Variants in SLC9A9 observed in about 807,000 individuals in gnomAD.
SLC9A9 encodes sodium/hydrogen exchanger 9.
A neutral mutation model predicts 77.8 loss-of-function variants in SLC9A9; 62 were observed. The observed-to-expected ratio is 0.80, with a 90% CI of 0.65 to 0.98. SLC9A9 has a LOEUF of 0.98. Ranked by LOEUF, SLC9A9 falls within the 50% of genes least tolerant of loss-of-function variation. The pLI is 0.00. For missense variants in SLC9A9, 775 were observed against 774.9 expected, an observed-to-expected ratio of 1.00 and a Z score of 0.00; for synonymous variants, 320 against 283.5, an observed-to-expected ratio of 1.13 and a Z score of -1.29.
chr3:143,605,207 T>G lies in SLC9A9; in HGVS notation c.756-26484A>C, dbSNP rs546401699. Among the ~76,000 whole-genome samples, 16 of 152,324 alleles carry G rather than the reference T, an allele frequency of 1.1e-4. No homozygotes were observed. The East Asian group carries it at 2.9e-3, about 28-fold the overall frequency. ...TCCTGATCTCAGTGTATTAAAGAAG[T>G]GCCTGAGTGCTCAAACATTCAGCAG... On this transcript the variant is annotated intron_variant, in intron 6 of 15. Coordinates refer to ENST00000316549, the MANE Select transcript of SLC9A9 (RefSeq NM_173653.4).
intron 14 of SLC9A9, among the ~76,000 whole-genome samples, chr3:143,310,918 T>C (rs2030995264): frequency 6.6e-6 from 1 of 152,140 alleles, no homozygotes; most frequent in Non-Finnish European, 1.5e-5. Context: ...TCAAACTGGA[T>C]TGTTTATTTG....
chr3:143,268,985 G>A lies in SLC9A9; in HGVS notation c.1605-5C>T, dbSNP rs1937820993. 4 of 1,602,044 alleles carry A rather than the reference G, an allele frequency of 2.5e-6. No homozygotes were observed. The highest frequency in any genetic ancestry group is 1.3e-5 in the African/African-American group (1 of 74,762). ...GTTAAAATTGGTTTCAGATACCTGGGAGGCCTGTTAAGGAATACTTGTCAA... is the reference window on the plus strand; with the variant it reads ...GTTAAAATTGGTTTCAGATACCTGGAAGGCCTGTTAAGGAATACTTGTCAA... On this transcript the variant is annotated splice_polypyrimidine_tract_variant and splice_region_variant and intron_variant, in intron 14 of 15. Coordinates refer to ENST00000316549, the MANE Select transcript of SLC9A9 (RefSeq NM_173653.4).
At chr3:143,385,719 T>C (rs760700489) in intron 12 of SLC9A9, among the ~76,000 whole-genome samples, 2 of 152,190 alleles carry the variant, frequency 1.3e-5, no homozygotes, top group Non-Finnish European at 2.9e-5. Context: ...TGGTGTTACA[T>C]GTATATAGCA....
rs2034559533 is a variant in SLC9A9 at position 143,433,294 on chromosome 3, C to T, written c.1469+33743G>A. Among the ~76,000 whole-genome samples, 5 of 152,040 alleles carry T rather than the reference C, an allele frequency of 3.3e-5. 1 individual carries two copies. In the South Asian group the frequency reaches 1.0e-3, roughly 32 times the overall value. ...TTTTAAAAGAGATGGTTGCTGGGTT[C>T]TTTGGGGGGAATTTATCCCACAAAC... On this transcript the variant is annotated intron_variant, in intron 12 of 15. Transcript: ENST00000316549.
At position 143,723,079 on chromosome 3, in the gene SLC9A9, C is replaced by T. The variant is rs540524751; in HGVS notation, c.534-29772G>A. Among the ~76,000 whole-genome samples the T allele has an allele frequency of 5.6e-4, 85 of 152,290 alleles. 2 individuals carry two copies. The highest frequency in any genetic ancestry group is 5.4e-3 in the Admixed American group (83 of 15,298). ...CTCCACTTCACTCCTCCCTAGTCAACCCAACAGGCTGATTTAGTTCTGGTA... is the reference window on the plus strand; with the variant it reads ...CTCCACTTCACTCCTCCCTAGTCAATCCAACAGGCTGATTTAGTTCTGGTA... On this transcript the variant is annotated intron_variant, in intron 4 of 15. Transcript: ENST00000316549.
chr3:143,480,337 ATT>A (rs377280730), intron 11 of SLC9A9, among the ~76,000 whole-genome samples: 13 of 152,312 alleles, frequency 8.5e-5, no homozygotes, highest in African/African-American at 3.1e-4. Context: ...GTTCTAAGCT[ATT>A]TCTCAGATAT....
chr3:143,343,981 C>T (rs146160560), intron 14 of SLC9A9, among the ~76,000 whole-genome samples: 25 of 152,078 alleles, frequency 1.6e-4, no homozygotes, highest in Non-Finnish European at 3.1e-4. Context: ...TTTGGGCTGG[C>T]AATTATTTAA....
chr3:143,384,689 G>A (rs548544851), intron 12 of SLC9A9, among the ~76,000 whole-genome samples: 11 of 152,240 alleles, frequency 7.2e-5, no homozygotes, highest in African/African-American at 2.4e-4. Context: ...TCAGAGACCT[G>A]ACTGGGAAGA....
intron 4 of SLC9A9, among the ~76,000 whole-genome samples, chr3:143,747,141 C>T (rs543340923): frequency 2.8e-4 from 43 of 152,230 alleles, no homozygotes; most frequent in Middle Eastern, 3.4e-3. Context: ...CAGGGTGGCT[C>T]ACGCCTGCAA....
intron 4 of SLC9A9, among the ~76,000 whole-genome samples, chr3:143,771,712 G>A (rs2218638): frequency 0.44 from 67,044 of 152,032 alleles, 16,174 homozygotes; most frequent in South Asian, 0.74. Flanking sequence ...GATTTCCTCC[G>A]TGCTCCTGCT....
chr3:143,393,068 T>C (rs969503354), intron 12 of SLC9A9, among the ~76,000 whole-genome samples: 9 of 152,138 alleles, frequency 5.9e-5, no homozygotes, highest in Admixed American at 2.6e-4. Context: ...TATCCAGGAA[T>C]TGAACTCAGC....
Position 143,266,101 on chromosome 3 carries a change from T to C in SLC9A9, c.*601A>G, listed in dbSNP as rs781541034. ...GATGGGAGAAGTAGCATAAGAAGGA[T>C]GCCAAGAAGAACAATAGGTTCTTCA... On this transcript the variant is annotated 3_prime_UTR_variant, in exon 16 of 16. Transcript: ENST00000316549. 1 of 702,296 alleles carries C rather than the reference T, an allele frequency of 1.4e-6. No homozygotes were observed. The highest frequency in any genetic ancestry group is 1.5e-5 in the South Asian group (1 of 67,586). The allele number at this position is 702,296 out of a possible 1,614,324, so 43.5% of individuals were successfully genotyped here.
At chr3:143,728,335 GAGA>G (rs1037740966) in intron 4 of SLC9A9, among the ~76,000 whole-genome samples, 1 of 152,182 alleles carries the variant, frequency 6.6e-6, no homozygotes, top group Non-Finnish European at 1.5e-5. Context: ...AAGCTGCAAT[GAGA>G]AGGATAAGAA....
At chr3:143,275,323 C>T (rs1417004202) in intron 14 of SLC9A9, among the ~76,000 whole-genome samples, 1 of 152,098 alleles carries the variant, frequency 6.6e-6, no homozygotes, top group African/African-American at 2.4e-5. Flanking sequence ...CTTTAAAGTT[C>T]ATTAATTTTG....
intron 14 of SLC9A9, among the ~76,000 whole-genome samples, chr3:143,357,849 A>G (rs1002761221): frequency 3.3e-5 from 5 of 152,172 alleles, no homozygotes; most frequent in Non-Finnish European, 7.3e-5. Flanking sequence ...AACTACCCCA[A>G]TAAATGATTC....
chr3:143,848,072 T>G, intron 1 of SLC9A9, 76 bp downstream of exon 1: 1 of 1,363,288 alleles, frequency 7.3e-7, no homozygotes, highest in South Asian at 1.2e-5. Context: ...GTTTCGGTAC[T>G]TTGCTATCTG....
intron 14 of SLC9A9, among the ~76,000 whole-genome samples, chr3:143,304,788 A>G (rs2030704271): frequency 6.6e-6 from 1 of 152,162 alleles, no homozygotes; most frequent in African/African-American, 2.4e-5. Context: ...CCCATTTCCT[A>G]TTACGACTTA....
chr3:143,276,867 A>G (rs1370865969), intron 14 of SLC9A9, among the ~76,000 whole-genome samples: 2 of 152,172 alleles, frequency 1.3e-5, no homozygotes, highest in Non-Finnish European at 2.9e-5. Flanking sequence ...GATGCCTTGA[A>G]ACCCATCCAT....
At chr3:143,305,059 G>C (rs908522002) in intron 14 of SLC9A9, among the ~76,000 whole-genome samples, 1 of 152,222 alleles carries the variant, frequency 6.6e-6, no homozygotes, top group East Asian at 1.9e-4. Flanking sequence ...TTGAGAAAAT[G>C]ATTCCCTTCC....
Sources: gnomAD v4.1 joint callset for allele counts (sites outside exome capture counted in the v4.1 genomes callset) on GRCh38, gnomAD v4.1.1 for gene constraint, MANE v1.5 for transcripts, NCBI Gene and HGNC (gene_info 2026-07-23, HGNC 2026-07-21) for gene names.